The following EYS variants were observed in gnomAD, a reference collection of about 807,000 sequenced individuals.
EYS encodes protein eyes shut homolog.
A neutral mutation model predicts 282.1 loss-of-function variants in EYS; 250 were observed. That is an observed-to-expected ratio of 0.89 (90% CI 0.80 to 0.98). The LOEUF is 0.98. Ranked by LOEUF, EYS falls within the 50% of genes least tolerant of loss-of-function variation. The pLI, the probability that EYS is intolerant of heterozygous loss-of-function variation, is 0.00. For synonymous variants in EYS, 1,355 were observed against 1,282.9 expected (o/e 1.06, Z -1.20); for missense variants, 4,016 against 3,709.0 (o/e 1.08, Z -2.15).
chr6:65,534,298 A>C (rs1384168542), intron 2 of EYS, among the ~76,000 whole-genome samples: 1 of 152,168 alleles, frequency 6.6e-6, no homozygotes. Flanking sequence ...ATGATAATAC[A>C]ACAAAAAGGT....
intron 31 of EYS, among the ~76,000 whole-genome samples, chr6:64,194,153 G>A (rs1260384635): frequency 6.6e-6 from 1 of 152,050 alleles, no homozygotes; most frequent in Non-Finnish European, 1.5e-5. Context: ...TTACAGACAT[G>A]AGCCACCACG....
At chr6:65,442,687 G>T (rs1263767193) in intron 5 of EYS, among the ~76,000 whole-genome samples, 1 of 151,820 alleles carries the variant, frequency 6.6e-6, no homozygotes, top group African/African-American at 2.4e-5. Flanking sequence ...CCAGGAGGTG[G>T]AGGTTGCAGT....
rs35657029 is a variant in EYS at position 64,169,431 on chromosome 6, G to GTTTTTTTTTTTTTTTT, written c.6424+61145_6424+61160dup. 3.8e-3 allele frequency among the ~76,000 whole-genome samples: 534 copies of GTTTTTTTTTTTTTTTT among 140,874 alleles called. 15 individuals are homozygous for GTTTTTTTTTTTTTTTT. Among genetic ancestry groups the GTTTTTTTTTTTTTTTT allele is most frequent in the African/African-American group, 0.014 (512 of 36,318 alleles). The allele number at this position is 140,874 out of a possible 152,430, so 92.4% of individuals were successfully genotyped here. Reference sequence around the variant, plus strand: ...ACATACTCAAACAATTTGAGGAGGAGTTTTTTTTTTTTTTTTACAAAAAGG... The same window carrying GTTTTTTTTTTTTTTTT: ...ACATACTCAAACAATTTGAGGAGGAGTTTTTTTTTTTTTTTTTTTTTTTTTTTTTTTTACAAAAAGG... On this transcript the variant is annotated intron_variant, in intron 31 of 42. Coordinates refer to ENST00000503581, the MANE Select transcript of EYS (RefSeq NM_001142800.2).
At chr6:64,932,237 G>T (rs1768751019) in intron 15 of EYS, among the ~76,000 whole-genome samples, 1 of 151,958 alleles carries the variant, frequency 6.6e-6, no homozygotes, top group Admixed American at 6.6e-5. Flanking sequence ...AGCCAGTGGA[G>T]GGGGAGGGGA....
intron 1 of EYS, among the ~76,000 whole-genome samples, chr6:65,661,489 T>C (rs1713402653): frequency 6.6e-6 from 1 of 152,012 alleles, no homozygotes; most frequent in Non-Finnish European, 1.5e-5. Flanking sequence ...TACAAAGTAT[T>C]TTCCTATTTA....
intron 11 of EYS, among the ~76,000 whole-genome samples, chr6:65,333,684 T>C (rs1015673689): frequency 2.0e-5 from 3 of 151,650 alleles, no homozygotes; most frequent in Admixed American, 6.6e-5. Flanking sequence ...CTTAAATTAT[T>C]TTTTAGCTTC....
chr6:64,120,690 G>T (rs2150273710), intron 31 of EYS, among the ~76,000 whole-genome samples: 1 of 152,200 alleles, frequency 6.6e-6, no homozygotes, highest in South Asian at 2.1e-4. Context: ...CCAGTTATGG[G>T]ATGGTGCTTA....
chr6:65,335,186 T>A, intron 10 of EYS, 40 bp from the exon 11 acceptor site: 1 of 1,301,684 alleles, frequency 7.7e-7, no homozygotes, highest in Non-Finnish European at 1.1e-6. Context: ...TGAATTCCCA[T>A]CACTTACTAC....
At chr6:65,117,566 A>G (rs1775411538) in intron 12 of EYS, among the ~76,000 whole-genome samples, 1 of 152,192 alleles carries the variant, frequency 6.6e-6, no homozygotes, top group Admixed American at 6.5e-5. Context: ...CCTCACATGA[A>G]CCACAGCAGG....
intron 26 of EYS, among the ~76,000 whole-genome samples, chr6:64,489,565 TA>T (rs932951633): frequency 1.4e-4 from 20 of 147,418 alleles, no homozygotes; most frequent in African/African-American, 4.6e-4. Context: ...AATTTTAATA[TA>T]AAAATATTTT....
chr6:64,056,181 C>T (rs998561214), intron 33 of EYS, among the ~76,000 whole-genome samples: 1 of 152,274 alleles, frequency 6.6e-6, no homozygotes, highest in Admixed American at 6.5e-5. Context: ...TAAGAGCATT[C>T]TCTAATAAAC....
intron 13 of EYS, among the ~76,000 whole-genome samples, chr6:65,018,037 T>G (rs1470222180): frequency 6.6e-6 from 1 of 152,198 alleles, no homozygotes; most frequent in Non-Finnish European, 1.5e-5. Flanking sequence ...TGGTGGTCTT[T>G]AAGTGGAGAA....
At chr6:65,155,741 T>C (rs963872585) in intron 12 of EYS, among the ~76,000 whole-genome samples, 5 of 151,504 alleles carry the variant, frequency 3.3e-5, no homozygotes, top group Non-Finnish European at 7.4e-5. Context: ...GTAAAAAGCA[T>C]TGCAGTGTAG....
intron 11 of EYS, among the ~76,000 whole-genome samples, chr6:65,311,212 A>C (rs1414120367): frequency 6.6e-6 from 1 of 152,188 alleles, no homozygotes; most frequent in Non-Finnish European, 1.5e-5. Flanking sequence ...ATATATAACT[A>C]AAAGGGTTGG....
intron 31 of EYS, among the ~76,000 whole-genome samples, chr6:64,140,083 G>A (rs1013885889): frequency 3.3e-5 from 5 of 152,100 alleles, no homozygotes; most frequent in African/African-American, 1.2e-4. Context: ...GTAAATGGTG[G>A]TATTTGGAAG....
intron 2 of EYS, among the ~76,000 whole-genome samples, chr6:65,613,539 G>T (rs537694709): frequency 3.3e-5 from 5 of 151,966 alleles, no homozygotes; most frequent in African/African-American, 1.2e-4. Flanking sequence ...TTCTGTGTGT[G>T]AGCATTAGCA....
intron 14 of EYS, among the ~76,000 whole-genome samples, chr6:64,958,604 G>A (rs62416465): frequency 0.14 from 20,902 of 149,982 alleles, 1,563 homozygotes; most frequent in East Asian, 0.25. Context: ...GCGCAGTGGC[G>A]GGCGCCTGTA....
chr6:63,977,066 G>A (rs527820707), intron 35 of EYS, among the ~76,000 whole-genome samples: 3 of 151,244 alleles, frequency 2.0e-5, no homozygotes, highest in African/African-American at 7.3e-5. Flanking sequence ...GCCTCCTATT[G>A]TACTATAGTT....
At chr6:64,443,105 G>GT (rs747558102) in intron 26 of EYS, among the ~76,000 whole-genome samples, 1 of 152,220 alleles carries the variant, frequency 6.6e-6, no homozygotes, top group Non-Finnish European at 1.5e-5. Context: ...AGCCACAGTT[G>GT]TGGAGGTGCC....
Sources: gnomAD v4.1 joint callset for allele counts (sites outside exome capture counted in the v4.1 genomes callset) on GRCh38, gnomAD v4.1.1 for gene constraint, MANE v1.5 for transcripts, NCBI Gene and HGNC (gene_info 2026-07-23, HGNC 2026-07-21) for gene names.